IMPG2: variants seen among roughly 807,000 people sequenced by gnomAD.
IMPG2 encodes IPM 200.
Under a neutral mutation model 129.2 loss-of-function variants are expected in IMPG2, and 91 were observed. That is an observed-to-expected ratio of 0.70 (90% confidence interval 0.59 to 0.84). The LOEUF is 0.84. Among genes scored for constraint, IMPG2 ranks in the 40% least tolerant of loss-of-function variants. The pLI, the probability that IMPG2 is intolerant of heterozygous loss-of-function variation, is 0.00. For missense variants in IMPG2, 1,430 were observed against 1,461.7 expected, an observed-to-expected ratio of 0.98 and a Z score of 0.35; for synonymous variants, 510 against 517.7, an observed-to-expected ratio of 0.99 and a Z score of 0.20.
chr3:101,266,445 T>C (rs1706720941), intron 9 of IMPG2, among the ~76,000 whole-genome samples: 1 of 152,216 alleles, frequency 6.6e-6, no homozygotes, highest in South Asian at 2.1e-4. Flanking sequence ...AAACAAACTG[T>C]AGGAGCCTTT....
In IMPG2 at chr3:101,242,835, T is replaced by C. The variant is rs1248045495; in HGVS notation, c.2875A>G (p.Ile959Val). Residue 959 changes from isoleucine (I) to valine (V), a missense_variant, in exon 14 of 19, where the codon ATT becomes GTT. Ile to Val is a conservative substitution (Grantham distance 29). Transcript: ENST00000193391. ...AACTTCATTCGACTGTTCACCACAA[T>C]GCTGCCATTTCTGAAGTTGAGGATT... ...LEILNFRNGS[I>V]VVNSRMKFAN... 5.6e-6 allele frequency: 9 copies of C among 1,613,970 alleles called. No homozygotes were observed. Among genetic ancestry groups the C allele is most frequent in the Admixed American group, 5.0e-5 (3 of 59,988 alleles).
At chr3:101,245,751 C>T in intron 12 of IMPG2, 51 bp downstream of exon 12, 1 of 1,520,980 alleles carries the variant, frequency 6.6e-7, no homozygotes, top group Non-Finnish European at 9.1e-7. Flanking sequence ...TCTTTAAAAC[C>T]CCTGTCATCG....
chr3:101,313,665 T>C (rs1187518127), intron 2 of IMPG2, among the ~76,000 whole-genome samples: 1 of 152,134 alleles, frequency 6.6e-6, no homozygotes, highest in African/African-American at 2.4e-5. Flanking sequence ...AAATCCAGCA[T>C]GGAATTATCT....
At chr3:101,272,299 C>T (rs1287474569) in intron 7 of IMPG2, among the ~76,000 whole-genome samples, 1 of 152,078 alleles carries the variant, frequency 6.6e-6, no homozygotes, top group Non-Finnish European at 1.5e-5. Context: ...AGACATGATC[C>T]CCTGCCTCTG....
At chr3:101,290,329 A>G (rs754432943) in intron 4 of IMPG2, among the ~76,000 whole-genome samples, 6 of 152,016 alleles carry the variant, frequency 3.9e-5, no homozygotes, top group Non-Finnish European at 7.4e-5. Context: ...CAACATAGCA[A>G]AACCCTGTTT....
At chr3:101,227,687 TG>T (rs1706239769) in intron 18 of IMPG2, 8 of 412,084 alleles carry the variant, frequency 1.9e-5, no homozygotes, top group East Asian at 1.4e-4. Flanking sequence ...CTGGTGATAT[TG>T]CTCTGGCTGC....
In IMPG2 at chr3:101,300,989, T is replaced by C. The variant is rs78224517; in HGVS notation, c.501+3157A>G. ...GCTATTCTTCTTTTCACTTGAACAC[T>C]TAGAAGCCATTGTCGGGTTATTAAC... On this transcript the variant is annotated intron_variant, in intron 3 of 18. Coordinates refer to ENST00000193391, the MANE Select transcript of IMPG2 (RefSeq NM_016247.4). 3.6e-3 allele frequency among the ~76,000 whole-genome samples: 543 copies of C among 152,354 alleles called. 1 individual carries two copies. Among genetic ancestry groups the C allele is most frequent in the African/African-American group, 0.012 (515 of 41,586 alleles).
Position 101,242,933 on chromosome 3 carries a change from T to G in IMPG2, c.2803-26A>C, listed in dbSNP as rs753221589. ...CTACAATATACAAAAGTGGTAAGTT[T>G]ATTGACAGCGTGTCACATTTTGTTC... On this transcript the variant is annotated intron_variant, in intron 13 of 18. Transcript: ENST00000193391. 2.7e-5 allele frequency: 42 copies of G among 1,582,974 alleles called. No individual in the cohort carries two copies. The Admixed American group carries it at 3.5e-4, about 13-fold the overall frequency.
intron 11 of IMPG2, among the ~76,000 whole-genome samples, chr3:101,247,814 A>G (rs1706498620): frequency 6.6e-6 from 1 of 152,194 alleles, no homozygotes; most frequent in African/African-American, 2.4e-5. Context: ...CAATTGCTGA[A>G]TGATTTTATT....
At chr3:101,239,560 C>T (rs1706383807) in intron 14 of IMPG2, among the ~76,000 whole-genome samples, 1 of 151,590 alleles carries the variant, frequency 6.6e-6, no homozygotes, top group African/African-American at 2.4e-5. Context: ...GAAATACCTC[C>T]CATTGCTGCC....
chr3:101,285,256 C>T (rs1379721008), intron 4 of IMPG2, among the ~76,000 whole-genome samples: 2 of 152,082 alleles, frequency 1.3e-5, no homozygotes, highest in Non-Finnish European at 2.9e-5. Context: ...CCATCTTTGC[C>T]CCAAGAGTAC....
Position 101,306,488 on chromosome 3 carries a change from C to G in IMPG2, c.335-2176G>C, listed in dbSNP as rs957480840. Among the ~76,000 whole-genome samples the G allele has an allele frequency of 3.3e-5, 5 of 152,144 alleles. 1 individual carries two copies. Among genetic ancestry groups the G allele is most frequent in the Admixed American group, 2.6e-4 (4 of 15,276 alleles). On this transcript the variant is annotated intron_variant, in intron 2 of 18. Transcript: ENST00000193391. Reference sequence around the variant, plus strand: ...ACAGCGGGCACTGACTGAGGCAGAGCTGAACTATTTGTAGATCATTGTTTT... The same window carrying G: ...ACAGCGGGCACTGACTGAGGCAGAGGTGAACTATTTGTAGATCATTGTTTT...
intron 3 of IMPG2, among the ~76,000 whole-genome samples, chr3:101,294,647 A>G (rs954876398): frequency 6.6e-6 from 1 of 152,236 alleles, no homozygotes; most frequent in African/African-American, 2.4e-5. Flanking sequence ...TTCTGGTTCT[A>G]GACCCTTGAG....
chr3:101,223,480 A>C lies in IMPG2; in HGVS notation c.*3489T>G, dbSNP rs1485728497. On this transcript the variant is annotated 3_prime_UTR_variant, in exon 19 of 19. Coordinates refer to ENST00000193391, the MANE Select transcript of IMPG2 (RefSeq NM_016247.4). ...GTTGCAAAATGAAAATTCAATTCAG[A>C]GACAGAAAGATGTCAAAGTACCCAT... is the stretch of plus-strand genomic sequence containing the variant. The C allele has an allele frequency of 6.6e-6, 1 of 152,230 alleles. No individual in the cohort carries two copies. Among genetic ancestry groups the C allele is most frequent in the East Asian group, 1.9e-4 (1 of 5,194 alleles). 9.4% of individuals were successfully genotyped at this position (152,230 alleles called of 1,614,324 possible).
intron 10 of IMPG2, among the ~76,000 whole-genome samples, chr3:101,254,157 A>T (rs1706573998): frequency 6.6e-6 from 1 of 152,132 alleles, no homozygotes; most frequent in Admixed American, 6.6e-5. Context: ...GGTTTATGCT[A>T]AGAATGGTAG....
At chr3:101,306,452 C>T (rs1707190298) in intron 2 of IMPG2, among the ~76,000 whole-genome samples, 1 of 152,164 alleles carries the variant, frequency 6.6e-6, no homozygotes, top group Admixed American at 6.5e-5. Context: ...GAACTTCTGA[C>T]CATACAGCAT....
intron 8 of IMPG2, 85 bp from the exon 9 acceptor site, chr3:101,267,616 T>C (rs1298583074): frequency 1.8e-6 from 2 of 1,125,710 alleles, no homozygotes; most frequent in African/African-American, 1.5e-5. Context: ...GTTATTCATG[T>C]ATTTCCTCTG....
At chr3:101,288,429 A>C (rs1487609595) in intron 4 of IMPG2, among the ~76,000 whole-genome samples, 1 of 152,212 alleles carries the variant, frequency 6.6e-6, no homozygotes, top group Admixed American at 6.5e-5. Flanking sequence ...TATTCATAAC[A>C]GCAAAAACAT....
At chr3:101,257,872 G>A (rs1706628878) in intron 9 of IMPG2, 99 bp from the exon 10 acceptor site, 1 of 1,334,390 alleles carries the variant, frequency 7.5e-7, no homozygotes, top group South Asian at 1.2e-5. Context: ...TAGAGGGGGA[G>A]TCTCAAAGAG....
Sources: allele counts gnomAD v4.1 joint callset (sites outside exome capture counted in the v4.1 genomes callset), GRCh38; gene constraint gnomAD v4.1.1; transcripts MANE v1.5; gene names NCBI Gene and HGNC (gene_info 2026-07-23, HGNC 2026-07-21).